Variants in ILKAP observed in about 807,000 individuals in gnomAD.
ILKAP encodes the protein ILK associated serine/threonine phosphatase, also known as integrin-linked kinase-associated serine/threonine phosphatase 2C.
In ILKAP, 11 loss-of-function variants were observed where a neutral mutation model predicts 49.1. The observed-to-expected ratio is 0.22, with a 90% CI of 0.14 to 0.37. The LOEUF (loss-of-function observed/expected upper bound fraction) is 0.37, where lower values mean the gene tolerates loss of function less well. Among genes scored for constraint, ILKAP ranks in the 10% least tolerant of loss-of-function variants. ILKAP has a pLI of 1.00. For missense variants in ILKAP, 363 were observed against 510.8 expected (o/e 0.71, Z 2.79); for synonymous variants, 186 against 192.8 (o/e 0.96, Z 0.29).
intron 10 of ILKAP, among the ~76,000 whole-genome samples, chr2:238,171,686 A>G (rs1426006461): frequency 3.3e-5 from 5 of 152,264 alleles, no homozygotes; most frequent in Admixed American, 6.5e-5. Flanking sequence ...ACAAGAATTT[A>G]TAACACCATA....
chr2:238,174,826 T>C (rs1384843731), intron 9 of ILKAP, among the ~76,000 whole-genome samples: 2 of 151,842 alleles, frequency 1.3e-5, no homozygotes, highest in Non-Finnish European at 2.9e-5. Flanking sequence ...GCCTTAAGAG[T>C]GCCACTTCAG....
chr2:238,178,375 G>A (rs1348633622), intron 9 of ILKAP, among the ~76,000 whole-genome samples: 1 of 152,108 alleles, frequency 6.6e-6, no homozygotes, highest in Admixed American at 6.5e-5. Context: ...TTTTTGTAGA[G>A]ATAAGGTCTC....
intron 3 of ILKAP, among the ~76,000 whole-genome samples, chr2:238,192,131 C>T (rs535070522): frequency 2.7e-4 from 41 of 149,788 alleles, no homozygotes; most frequent in Non-Finnish European, 5.2e-4. Flanking sequence ...AACTTGAACC[C>T]GGGAAGTAGA....
At chr2:238,188,371 T>C (rs573004265) in intron 4 of ILKAP, 114 bp from the exon 5 acceptor site, 62 of 1,287,850 alleles carry the variant, frequency 4.8e-5, no homozygotes, top group Non-Finnish European at 6.1e-5. Context: ...AATATCCTAA[T>C]GGCGCAAACA....
At chr2:238,192,211 A>G (rs1015208887) in intron 3 of ILKAP, among the ~76,000 whole-genome samples, 1 of 151,710 alleles carries the variant, frequency 6.6e-6, no homozygotes, top group Non-Finnish European at 1.5e-5. Context: ...CTTAAAAAAA[A>G]AAAAAGAAAA....
chr2:238,199,220 A>C (rs977379205), intron 1 of ILKAP, among the ~76,000 whole-genome samples: 3 of 152,236 alleles, frequency 2.0e-5, no homozygotes, highest in Non-Finnish European at 4.4e-5. Context: ...TGATGGGTTC[A>C]AGCTTTTCCC....
chr2:238,189,211 G>C (rs1388668851), intron 4 of ILKAP, among the ~76,000 whole-genome samples: 1 of 152,100 alleles, frequency 6.6e-6, no homozygotes, highest in Non-Finnish European at 1.5e-5. Context: ...CCAGCTACTC[G>C]GGAGGCTGAG....
chr2:238,171,153 CTTTTTTCTT>C, intron 10 of ILKAP, 129 bp from the exon 11 acceptor site: 2 of 509,188 alleles, frequency 3.9e-6, no homozygotes, highest in Non-Finnish European at 6.8e-6. Flanking sequence ...TTTTTTTTTT[CTTTTTTCTT>C]TTTTTTTTTT....
chr2:238,182,332 G>T, intron 8 of ILKAP, 146 bp from the exon 9 acceptor site: 1 of 966,104 alleles, frequency 1.0e-6, no homozygotes, highest in Non-Finnish European at 1.5e-6. Context: ...ATAAACGTAA[G>T]TTCAGAGAAT....
chr2:238,191,027 T>A (rs181465809), intron 3 of ILKAP, among the ~76,000 whole-genome samples: 246 of 152,300 alleles, frequency 1.6e-3, no homozygotes, highest in Middle Eastern at 6.8e-3. Context: ...TGATCACAGT[T>A]TACTGCAGCC....
chr2:238,176,240 C>T (rs1693451220), intron 9 of ILKAP, among the ~76,000 whole-genome samples: 1 of 146,048 alleles, frequency 6.8e-6, no homozygotes, highest in African/African-American at 2.5e-5. Context: ...TTCAAGTGAT[C>T]CTCCTGCCTC....
At chr2:238,173,422 G>A in intron 10 of ILKAP, 112 bp downstream of exon 10, 1 of 1,390,058 alleles carries the variant, frequency 7.2e-7, no homozygotes, top group Non-Finnish European at 9.9e-7. Flanking sequence ...CACCCCCAGG[G>A]CCTAGCACCA....
At chr2:238,172,218 A>G (rs555969661) in intron 10 of ILKAP, among the ~76,000 whole-genome samples, 22 of 151,808 alleles carry the variant, frequency 1.4e-4, no homozygotes, top group Admixed American at 5.2e-4. Context: ...CGCCTGGCTA[A>G]TTTTTGTATT....
intron 9 of ILKAP, among the ~76,000 whole-genome samples, chr2:238,181,779 C>A (rs766373278): frequency 6.6e-6 from 1 of 152,008 alleles, no homozygotes; most frequent in Non-Finnish European, 1.5e-5. Flanking sequence ...CCCGCCACCA[C>A]GAAAAGTGAC....
At position 238,188,275 on chromosome 2, in the gene ILKAP, A is replaced by G; in HGVS notation, c.299-18T>C. Reference sequence around the variant, plus strand: ...CGAAGAGGCTAAGGAAAAGAGAACAAAAGAGCCAATACAAAACTGTGCCCA... The same window carrying G: ...CGAAGAGGCTAAGGAAAAGAGAACAGAAGAGCCAATACAAAACTGTGCCCA... On this transcript the variant is annotated intron_variant, in intron 4 of 11. Transcript: ENST00000254654. 3 of 1,611,748 alleles carry G rather than the reference A, an allele frequency of 1.9e-6. No homozygotes were observed. The highest frequency in any genetic ancestry group is 2.5e-6 in the Non-Finnish European group (3 of 1,178,912).
chr2:238,183,799 A>G (rs1267945580), intron 7 of ILKAP, 59 bp from the exon 8 acceptor site: 1 of 1,277,402 alleles, frequency 7.8e-7, no homozygotes, highest in African/African-American at 1.5e-5. Flanking sequence ...TTTGAGACTA[A>G]TTTCCAGAGC....
chr2:238,182,941 C>T (rs1239355997), intron 8 of ILKAP, among the ~76,000 whole-genome samples: 1 of 152,152 alleles, frequency 6.6e-6, no homozygotes. Flanking sequence ...CCAGAAGCAT[C>T]GTGGGGAGGG....
rs761065499 is a variant in ILKAP at position 238,188,133 on chromosome 2, G to C, written c.423C>G (p.Leu141=). ...ITEECRPPSS[L]ITRVSYFAVF... ...GCTTCCTACCACATGAGACTCACATGAGGGACGATGGGGGCCTACACTCCT... is the reference window on the plus strand; with the variant it reads ...GCTTCCTACCACATGAGACTCACATCAGGGACGATGGGGGCCTACACTCCT... The change falls in exon 5 of 12, where the codon CTC becomes CTG. Residue 141 remains leucine (L), a splice_region_variant and synonymous_variant. Coordinates refer to ENST00000254654, the MANE Select transcript of ILKAP (RefSeq NM_030768.3). 5 of 1,614,098 alleles carry C rather than the reference G, an allele frequency of 3.1e-6. No individual in the cohort carries two copies. In the Admixed American group the frequency reaches 8.3e-5, roughly 27 times the overall value.
At chr2:238,194,522 T>C (rs1694267842) in intron 2 of ILKAP, 191 bp from the exon 3 acceptor site, 2 of 615,492 alleles carry the variant, frequency 3.2e-6, no homozygotes, top group South Asian at 4.5e-5. Context: ...TCAAAGGAAA[T>C]AAAAATCTGC....
Sources: gnomAD v4.1 joint callset for allele counts (sites outside exome capture counted in the v4.1 genomes callset) on GRCh38, gnomAD v4.1.1 for gene constraint, MANE v1.5 for transcripts, NCBI Gene and HGNC (gene_info 2026-07-23, HGNC 2026-07-21) for gene names.